Variants in TFEB observed in about 807,000 individuals in gnomAD.
TFEB encodes the protein T-cell transcription factor EB.
TFEB carries 12 observed loss-of-function variants against 48.0 expected under a neutral mutation model. The ratio of observed to expected loss-of-function variants is 0.25; its 90% CI spans 0.16 to 0.40. The LOEUF is 0.40. Ranked by LOEUF, TFEB falls within the 10% of genes least tolerant of loss-of-function variation. The pLI is 1.00. For missense variants in TFEB, 509 were observed against 640.3 expected (o/e 0.79, Z 2.21); for synonymous variants, 244 against 261.4 (o/e 0.93, Z 0.64).
At chr6:41,710,410 C>A (rs59905583) in intron 1 of TFEB, among the ~76,000 whole-genome samples, 18,848 of 152,142 alleles carry the variant, frequency 0.12, 1,300 homozygotes, top group East Asian at 0.22. Context: ...ACAGCAGGGA[C>A]AACAGGCCAG....
chr6:41,715,331 C>T lies in TFEB; in HGVS notation c.-23+20019G>A, dbSNP rs111452150. Reference sequence around the variant, plus strand: ...CAAGACTCTCAAGACAACAGGACCCCATCCTCCACATGGGAAAGGGACACA... The same window carrying T: ...CAAGACTCTCAAGACAACAGGACCCTATCCTCCACATGGGAAAGGGACACA... On this transcript the variant is annotated intron_variant, in intron 1 of 8. Coordinates refer to ENST00000373033, the MANE Select transcript of TFEB (RefSeq NM_001271944.2). Among the ~76,000 whole-genome samples, 819 of 152,240 alleles carry T rather than the reference C, an allele frequency of 5.4e-3. 8 individuals carry two copies. In the Middle Eastern group the frequency reaches 0.054, roughly 10 times the overall value.
chr6:41,728,211 G>T (rs933967879), intron 1 of TFEB, among the ~76,000 whole-genome samples: 1 of 152,234 alleles, frequency 6.6e-6, no homozygotes, highest in Admixed American at 6.5e-5. Context: ...TCGGCACCTT[G>T]CGGGAGAAGC....
intron 7 of TFEB, 128 bp from the exon 8 acceptor site, chr6:41,686,365 G>A: frequency 8.0e-7 from 1 of 1,252,556 alleles, no homozygotes; most frequent in Non-Finnish European, 1.1e-6. Flanking sequence ...ACCTGGAGGT[G>A]GAGGTGGCTG....
chr6:41,713,287 G>A (rs565414925), intron 1 of TFEB, among the ~76,000 whole-genome samples: 1 of 152,284 alleles, frequency 6.6e-6, no homozygotes, highest in East Asian at 1.9e-4. Context: ...CTGCAGCCAG[G>A]ATGGCGAGGC....
At chr6:41,733,164 T>C in intron 1 of TFEB, 1 of 473,506 alleles carries the variant, frequency 2.1e-6, no homozygotes, top group Non-Finnish European at 2.8e-6. Context: ...GGAGTCCCCT[T>C]CCACCTACTT....
In TFEB at chr6:41,684,901, G is replaced by A; in HGVS notation, c.1129C>T (p.Pro377Ser). 2 of 1,570,962 alleles carry A rather than the reference G, an allele frequency of 1.3e-6. No individual in the cohort carries two copies. Among genetic ancestry groups the A allele is most frequent in the Middle Eastern group, 1.8e-4 (1 of 5,634 alleles). ...PDPEPLPALP[P>S]QAPLPLPTQP... ...GTGGGCAGGGGCAGCGGGGCTTGCG[G>A]GGGCAGAGCTGGCAGTGGCTCAGGG... The change falls in exon 9 of 9, where the codon CCG becomes TCG. Residue 377 changes from proline (P) to serine (S), a missense_variant. Transcript: ENST00000373033.
chr6:41,703,496 C>CCCCAGCCTA (rs1443865498), intron 1 of TFEB, among the ~76,000 whole-genome samples: 1 of 152,158 alleles, frequency 6.6e-6, no homozygotes, highest in Non-Finnish European at 1.5e-5. Flanking sequence ...TCCCCAGCCT[C>CCCCAGCCTA]CCTGTGGCTG....
chr6:41,684,543 C>T lies in TFEB; in HGVS notation c.*56G>A. 1.3e-6 allele frequency: 2 copies of T among 1,500,180 alleles called. No homozygotes were observed. Among genetic ancestry groups the T allele is most frequent in the Admixed American group, 2.3e-5 (1 of 43,076 alleles). The allele number at this position is 1,500,180 out of a possible 1,614,324, so 92.9% of individuals were successfully genotyped here. ...CCTGAAGGGTGGGAGGGAGGTGCCC[C>T]TGGCCCTCCCAGCCCCCAGGCCGGC... On this transcript the variant is annotated 3_prime_UTR_variant, in exon 9 of 9. Coordinates refer to ENST00000373033, the MANE Select transcript of TFEB (RefSeq NM_001271944.2).
chr6:41,703,936 G>A (rs867924707), intron 1 of TFEB, among the ~76,000 whole-genome samples: 2 of 152,186 alleles, frequency 1.3e-5, no homozygotes, highest in South Asian at 4.1e-4. Context: ...GCAGAACTGG[G>A]GCACCTGGTC....
At position 41,691,032 on chromosome 6, in the gene TFEB, G is replaced by A. The variant is rs763636856; in HGVS notation, c.182C>T (p.Ser61Leu). ...PAINTPVHFQ[S>L]PPPVPGEVLK... ...CACCTCCCCAGGCACAGGTGGTGGC[G>A]ACTGGAAGTGGACGGGGGTATTGAT... is the stretch of plus-strand genomic sequence containing the variant. The change falls in exon 2 of 9, where the codon TCG (serine) becomes TTG (leucine). Residue 61 changes from serine (S) to leucine (L), a missense_variant. Ser to Leu is a moderately radical substitution (Grantham distance 145). Transcript: ENST00000373033. This position sits in a 1 kb window ranked among gnomAD's most constrained non-coding sequence, Gnocchi z 5.2. 1.0e-5 allele frequency: 16 copies of A among 1,574,872 alleles called. No homozygotes were observed. The highest frequency in any genetic ancestry group is 1.3e-5 in the African/African-American group (1 of 74,166).
intron 7 of TFEB, 103 bp downstream of exon 7, chr6:41,686,991 T>G (rs2127446068): frequency 5.3e-6 from 5 of 951,442 alleles, no homozygotes; most frequent in Non-Finnish European, 8.4e-6. Flanking sequence ...CTAGAAGGAA[T>G]TCTCCTCCCA....
At chr6:41,696,648 C>A (rs1366779812) in intron 1 of TFEB, among the ~76,000 whole-genome samples, 2 of 152,012 alleles carry the variant, frequency 1.3e-5, no homozygotes, top group African/African-American at 4.8e-5. Context: ...GAGCCGAGAT[C>A]ATGCCACTGC....
chr6:41,687,643 G>T, intron 6 of TFEB, 110 bp downstream of exon 6: 1 of 1,384,510 alleles, frequency 7.2e-7, no homozygotes, highest in Non-Finnish European at 1.0e-6. Flanking sequence ...AAGTGAATTG[G>T]CCTTGAGCAG....
chr6:41,734,385 G>A lies in TFEB; in HGVS notation c.-23+965C>T, dbSNP rs960721779. The A allele has an allele frequency of 1.0e-6, 1 of 985,024 alleles. No individual in the cohort carries two copies. The highest frequency in any genetic ancestry group is 1.7e-5 in the African/African-American group (1 of 57,280). 61.0% of individuals were successfully genotyped at this position (985,024 alleles called of 1,614,324 possible). ...CTCGCGCAGCCCGGAGCAGCTCGGG[G>A]CAGCCGTGCGTGAAGCCGGAACCCC... On this transcript the variant is annotated intron_variant, in intron 1 of 8. Coordinates refer to ENST00000373033, the MANE Select transcript of TFEB (RefSeq NM_001271944.2). This position sits in a 1 kb window ranked among gnomAD's most constrained non-coding sequence, Gnocchi z 4.0.
intron 1 of TFEB, chr6:41,732,622 A>T: frequency 1.0e-6 from 1 of 985,774 alleles, no homozygotes; most frequent in Non-Finnish European, 1.2e-6. Context: ...CCCCACACCA[A>T]CCCAGAAAGC....
upstream of TFEB, among the ~76,000 whole-genome samples, chr6:41,735,945 T>G (rs1771661537): frequency 6.6e-6 from 1 of 152,212 alleles, no homozygotes; most frequent in Admixed American, 6.5e-5. Flanking sequence ...CCAGATGGTG[T>G]GCTGTTGCCA....
chr6:41,688,083 C>T, intron 4 of TFEB, 55 bp from the exon 5 acceptor site: 1 of 1,570,852 alleles, frequency 6.4e-7, no homozygotes, highest in African/African-American at 1.3e-5. Flanking sequence ...CACGGGGAGC[C>T]CCCTCTAGGG....
chr6:41,690,964 G>A (rs1254921628), intron 2 of TFEB, 37 bp downstream of exon 2: 3 of 1,568,564 alleles, frequency 1.9e-6, no homozygotes, highest in Non-Finnish European at 2.6e-6. Context: ...TGGGACTAGT[G>A]GGGACAGGGT....
chr6:41,715,367 C>CA (rs1770689563), intron 1 of TFEB, among the ~76,000 whole-genome samples: 1 of 152,126 alleles, frequency 6.6e-6, no homozygotes, highest in African/African-American at 2.4e-5. Flanking sequence ...GCAACACCCC[C>CA]ACTCCCAAAA....
Sources: allele counts gnomAD v4.1 joint callset (sites outside exome capture counted in the v4.1 genomes callset), GRCh38; gene constraint gnomAD v4.1.1; non-coding constraint Gnocchi (gnomAD v3.1); transcripts MANE v1.5; gene names NCBI Gene and HGNC (gene_info 2026-07-23, HGNC 2026-07-21).